Variants in PIAS2 observed in about 807,000 individuals in gnomAD.
PIAS2 encodes protein inhibitor of activated STAT 2.
In PIAS2, 19 loss-of-function variants were observed where a neutral mutation model predicts 69.7. That is an observed-to-expected ratio of 0.27 (90% CI 0.19 to 0.40). The LOEUF (loss-of-function observed/expected upper bound fraction) is 0.40, where lower values mean the gene tolerates loss of function less well. PIAS2 is among the 10% of genes least tolerant of loss of function. The pLI is 1.00. For missense variants in PIAS2, 624 were observed against 757.0 expected (o/e 0.82, Z 2.06); for synonymous variants, 261 against 263.2 (o/e 0.99, Z 0.08).
At chr18:46,896,655 C>G (rs2054933982) in intron 1 of PIAS2, among the ~76,000 whole-genome samples, 1 of 152,216 alleles carries the variant, frequency 6.6e-6, no homozygotes, top group African/African-American at 2.4e-5. Context: ...TCCAACCAAA[C>G]TTTTAGGCAA....
intron 5 of PIAS2, among the ~76,000 whole-genome samples, chr18:46,852,341 C>A (rs2047088063): frequency 6.6e-6 from 1 of 152,206 alleles, no homozygotes; most frequent in African/African-American, 2.4e-5. Flanking sequence ...TTTGGGATGG[C>A]CCTATAAGGG....
upstream of PIAS2, among the ~76,000 whole-genome samples, chr18:46,918,993 G>GTA (rs2058329722): frequency 8.3e-6 from 1 of 120,756 alleles, no homozygotes; most frequent in South Asian, 2.6e-4. Flanking sequence ...ATGTGTGTGC[G>GTA]TGTATATATA....
intron 2 of PIAS2, among the ~76,000 whole-genome samples, chr18:46,870,519 G>A (rs1221325939): frequency 4.7e-5 from 7 of 149,672 alleles, no homozygotes; most frequent in Admixed American, 2.0e-4. Context: ...GGGAGGCTGA[G>A]GCAGAAGAAT....
At chr18:46,863,069 T>C (rs923749428) in intron 3 of PIAS2, among the ~76,000 whole-genome samples, 1 of 152,148 alleles carries the variant, frequency 6.6e-6, no homozygotes, top group Non-Finnish European at 1.5e-5. Context: ...TCTTCTTACA[T>C]CTCTTAGTTC....
chr18:46,892,348 T>C lies in PIAS2; in HGVS notation c.25-1294A>G, dbSNP rs181375116. Among the ~76,000 whole-genome samples the C allele has an allele frequency of 5.3e-3, 811 of 152,318 alleles. 5 individuals carry two copies. Among genetic ancestry groups the C allele is most frequent in the Non-Finnish European group, 7.8e-3 (528 of 68,024 alleles). On this transcript the variant is annotated intron_variant, in intron 1 of 13. Coordinates refer to ENST00000585916, the MANE Select transcript of PIAS2 (RefSeq NM_004671.5). ...GTACTTTGTGTACTATATATGTCTC[T>C]ATATTTCATAATGTACAAGTGAGAG... is the stretch of plus-strand genomic sequence containing the variant.
chr18:46,821,183 T>C lies in PIAS2; in HGVS notation c.1509-111A>G. On this transcript the variant is annotated intron_variant, in intron 11 of 13. Coordinates refer to ENST00000585916, the MANE Select transcript of PIAS2 (RefSeq NM_004671.5). Reference sequence around the variant, plus strand: ...GTTCGTTCACCAGTTTCAGCACAACTATATGGCAGCTACTCACTACACAGC... The same window carrying C: ...GTTCGTTCACCAGTTTCAGCACAACCATATGGCAGCTACTCACTACACAGC... The C allele has an allele frequency of 5.9e-6, 6 of 1,022,384 alleles. 1 individual carries two copies. The South Asian group carries it at 8.7e-5, about 15-fold the overall frequency. 63.3% of individuals were successfully genotyped at this position (1,022,384 alleles called of 1,614,324 possible). A position where few individuals can be genotyped will look rare whatever the true frequency, so the allele number is the denominator to read the frequency against.
chr18:46,889,425 C>T (rs926533694), intron 2 of PIAS2, among the ~76,000 whole-genome samples: 3 of 152,126 alleles, frequency 2.0e-5, no homozygotes, highest in South Asian at 2.1e-4. Flanking sequence ...GGGCAAGAGA[C>T]TTGGCTATAC....
At chr18:46,884,351 C>T (rs1298689701) in intron 2 of PIAS2, among the ~76,000 whole-genome samples, 1 of 151,768 alleles carries the variant, frequency 6.6e-6, no homozygotes, top group East Asian at 2.0e-4. Flanking sequence ...CTCACTCTGT[C>T]ACCCAGGCCA....
intron 3 of PIAS2, among the ~76,000 whole-genome samples, chr18:46,862,294 G>A (rs1394321476): frequency 6.6e-6 from 1 of 151,966 alleles, no homozygotes; most frequent in African/African-American, 2.4e-5. Flanking sequence ...TCATGCTACT[G>A]CACTCACTCC....
chr18:46,827,732 A>G (rs764384664), intron 11 of PIAS2: 1 of 410,954 alleles, frequency 2.4e-6, no homozygotes, highest in Non-Finnish European at 4.4e-6. Context: ...AGTCTCAGGT[A>G]GGAAATAAAT....
At chr18:46,918,345 T>G (rs894952185), upstream of PIAS2, among the ~76,000 whole-genome samples, 1 of 152,024 alleles carries the variant, frequency 6.6e-6, no homozygotes, top group African/African-American at 2.4e-5. Context: ...CAATGTAACT[T>G]TTAAGGCCCT....
At position 46,836,350 on chromosome 18, in the gene PIAS2, T is replaced by C. The variant is rs1204811547; in HGVS notation, c.1202+7A>G. The stretch of plus-strand genomic sequence containing the variant: ...TCCATATCAGCTGTTAAAAGGGATA[T>C]ACTTACCCATCTAATATTAGACTTT... On this transcript the variant is annotated splice_region_variant and intron_variant, in intron 9 of 13. Transcript: ENST00000585916. The C allele has an allele frequency of 2.5e-6, 4 of 1,612,374 alleles. No individual in the cohort carries two copies. The highest frequency in any genetic ancestry group is 2.5e-6 in the Non-Finnish European group (3 of 1,178,430).
chr18:46,875,251 A>G (rs8087259), intron 2 of PIAS2, among the ~76,000 whole-genome samples: 1,939 of 152,290 alleles, frequency 0.013, 39 homozygotes, highest in African/African-American at 0.045. Flanking sequence ...GGAGCCTTAA[A>G]AAGTCCCTGT....
chr18:46,887,205 T>G (rs936817424), intron 2 of PIAS2, among the ~76,000 whole-genome samples: 2 of 151,904 alleles, frequency 1.3e-5, no homozygotes, highest in African/African-American at 2.4e-5. Context: ...AATACTCCAC[T>G]TGCTTGGATC....
chr18:46,817,734 T>A (rs1268820668), intron 12 of PIAS2: 1 of 937,474 alleles, frequency 1.1e-6, no homozygotes, highest in African/African-American at 1.8e-5. Flanking sequence ...TGTAAATATT[T>A]CTCTCACTGA....
intron 1 of PIAS2, among the ~76,000 whole-genome samples, chr18:46,893,139 C>G (rs1324328308): frequency 6.6e-6 from 1 of 152,166 alleles, no homozygotes; most frequent in Admixed American, 6.5e-5. Flanking sequence ...CATAACAAAC[C>G]AGTCACAGCT....
intron 5 of PIAS2, chr18:46,852,784 C>T (rs994483476): frequency 1.3e-5 from 2 of 152,240 alleles, no homozygotes; most frequent in Admixed American, 6.5e-5. Flanking sequence ...TCTGTAGCCA[C>T]CATATTTTCC....
chr18:46,860,579 T>G (rs1190504122), intron 3 of PIAS2, among the ~76,000 whole-genome samples: 2 of 152,162 alleles, frequency 1.3e-5, no homozygotes, highest in African/African-American at 2.4e-5. Flanking sequence ...AAAGAACTTC[T>G]AATAGCCAAA....
intron 13 of PIAS2, among the ~76,000 whole-genome samples, chr18:46,812,994 C>A (rs997792343): frequency 6.6e-6 from 1 of 152,024 alleles, no homozygotes; most frequent in Non-Finnish European, 1.5e-5. Context: ...GATCTTACAC[C>A]AGCATTTTTG....
Sources: allele counts gnomAD v4.1 joint callset (sites outside exome capture counted in the v4.1 genomes callset), GRCh38; gene constraint gnomAD v4.1.1; transcripts MANE v1.5; gene names NCBI Gene and HGNC (gene_info 2026-07-23, HGNC 2026-07-21).